The following FHL2 variants were observed in gnomAD, a reference collection of about 807,000 sequenced individuals.
FHL2 encodes the protein four and a half LIM domains protein 2.
A neutral mutation model predicts 32.7 loss-of-function variants in FHL2; 20 were observed. That is an observed-to-expected ratio of 0.61 (90% CI 0.43 to 0.89). The LOEUF (loss-of-function observed/expected upper bound fraction) is 0.89. Ranked by LOEUF, FHL2 falls within the 40% of genes least tolerant of loss-of-function variation. The pLI is 0.00. For missense variants in FHL2, 311 were observed against 358.6 expected, an observed-to-expected ratio of 0.87 and a Z score of 1.07; for synonymous variants, 123 against 128.1, an observed-to-expected ratio of 0.96 and a Z score of 0.27.
intron 1 of FHL2, among the ~76,000 whole-genome samples, chr2:105,410,938 T>G (rs1327656996): frequency 6.6e-6 from 1 of 152,200 alleles, no homozygotes; most frequent in Non-Finnish European, 1.5e-5. Context: ...CCAACCTCAG[T>G]TGAGATGCCT....
chr2:105,436,454 A>G (rs1264946595), intron 1 of FHL2, among the ~76,000 whole-genome samples: 1 of 152,218 alleles, frequency 6.6e-6, no homozygotes, highest in Non-Finnish European at 1.5e-5. Flanking sequence ...GGTCATAATG[A>G]TATATAGAGA....
intron 4 of FHL2, among the ~76,000 whole-genome samples, chr2:105,373,051 C>T (rs936261203): frequency 6.6e-6 from 1 of 152,198 alleles, no homozygotes; most frequent in East Asian, 1.9e-4. Context: ...GGCCCAGTTG[C>T]GGCTGTGCCC....
chr2:105,411,804 A>G (rs1683801712), intron 1 of FHL2, among the ~76,000 whole-genome samples: 1 of 151,872 alleles, frequency 6.6e-6, no homozygotes, highest in Admixed American at 6.6e-5. Flanking sequence ...CCTGGGCAAC[A>G]GAGCAAGACT....
chr2:105,431,723 A>G (rs770733797), intron 1 of FHL2, among the ~76,000 whole-genome samples: 2 of 152,252 alleles, frequency 1.3e-5, no homozygotes, highest in Non-Finnish European at 2.9e-5. Flanking sequence ...CACACTGTCT[A>G]ATTTAAGTTA....
At chr2:105,375,105 A>G (rs1681369509) in intron 3 of FHL2, among the ~76,000 whole-genome samples, 1 of 152,028 alleles carries the variant, frequency 6.6e-6, no homozygotes, top group Admixed American at 6.6e-5. Flanking sequence ...AACCAAAACT[A>G]GAACAAACAG....
At chr2:105,404,007 G>T (rs990168440), upstream of FHL2, among the ~76,000 whole-genome samples, 11 of 152,318 alleles carry the variant, frequency 7.2e-5, no homozygotes, top group South Asian at 4.1e-4. Flanking sequence ...GGGGTCGTGG[G>T]GGGGAGGCTG....
At chr2:105,373,180 A>G (rs921719469) in intron 4 of FHL2, among the ~76,000 whole-genome samples, 2 of 152,250 alleles carry the variant, frequency 1.3e-5, no homozygotes, top group African/African-American at 2.4e-5. Context: ...GGCACCATGC[A>G]CACTTGGTGA....
intron 1 of FHL2, among the ~76,000 whole-genome samples, chr2:105,412,442 A>T (rs1683820665): frequency 6.6e-6 from 1 of 152,246 alleles, no homozygotes; most frequent in South Asian, 2.1e-4. Context: ...TTATTGAAAC[A>T]GAAGCAGTTT....
chr2:105,390,056 A>G lies in FHL2; in HGVS notation c.-24-3516T>C, dbSNP rs534478904. On this transcript the variant is annotated intron_variant, in intron 2 of 6. Coordinates refer to ENST00000530340, the MANE Select transcript of FHL2 (RefSeq NM_001318895.3). ...ATCCTGGCTAACACGGTGAAACCCC[A>G]TCTCTACTAAAAATACAAAAAAAAA... The G allele has an allele frequency of 1.4e-3, 218 of 151,390 alleles. 4 individuals are homozygous for G. Among genetic ancestry groups the G allele is most frequent in the African/African-American group, 4.8e-3 (199 of 41,168 alleles). 9.4% of individuals were successfully genotyped at this position (151,390 alleles called of 1,614,324 possible).
At chr2:105,422,685 C>G (rs1302429555) in intron 1 of FHL2, among the ~76,000 whole-genome samples, 2 of 146,498 alleles carry the variant, frequency 1.4e-5, no homozygotes, top group Non-Finnish European at 3.0e-5. Flanking sequence ...TGAGAGAAAT[C>G]AAAATTAAAT....
intron 4 of FHL2, among the ~76,000 whole-genome samples, chr2:105,371,230 G>C (rs76434384): frequency 6.6e-6 from 1 of 152,140 alleles, no homozygotes; most frequent in Non-Finnish European, 1.5e-5. Flanking sequence ...TTGCCGTGAA[G>C]GTGTTTTTTA....
At chr2:105,388,355 C>T (rs1215929505) in intron 2 of FHL2, among the ~76,000 whole-genome samples, 2 of 152,124 alleles carry the variant, frequency 1.3e-5, no homozygotes, top group African/African-American at 4.8e-5. Context: ...GGGCCCTCCT[C>T]TTATGACCAT....
intron 4 of FHL2, among the ~76,000 whole-genome samples, chr2:105,370,306 T>C (rs895334196): frequency 1.3e-5 from 2 of 150,120 alleles, no homozygotes; most frequent in African/African-American, 4.9e-5. Context: ...GCCCGAGAGG[T>C]CAAGGCTGCA....
At position 105,367,645 on chromosome 2, in the gene FHL2, GA is replaced by G; in HGVS notation, c.425del (p.Ile142ThrfsTer69). On this transcript the variant is annotated frameshift_variant, in exon 5 of 7. Transcript: ENST00000530340. LOFTEE classifies it high-confidence loss of function. ...CQQPIGTKSF[I>X]PKDNQNFCVP... ...CACAGAAATTCTGATTGTCTTTGGG[GA>G]TGAAACTCTTGGTTCCAATTGGCTG... is the stretch of plus-strand genomic sequence containing the variant. 1.2e-6 allele frequency: 2 copies of G among 1,614,224 alleles called. No homozygotes were observed. The highest frequency in any genetic ancestry group is 1.7e-6 in the Non-Finnish European group (2 of 1,180,030).
At chr2:105,367,830 GT>G in intron 4 of FHL2, 91 bp from the exon 5 acceptor site, 2 of 1,352,024 alleles carry the variant, frequency 1.5e-6, no homozygotes, top group South Asian at 1.4e-5. Context: ...CTGCCCTCTA[GT>G]TTTATGACCA....
intron 1 of FHL2, chr2:105,396,951 A>T: frequency 5.3e-6 from 2 of 380,484 alleles, no homozygotes; most frequent in Non-Finnish European, 9.5e-6. Flanking sequence ...TGAGTCACTG[A>T]GGCTGAGTAA....
chr2:105,402,524 C>T (rs12994700), upstream of FHL2, among the ~76,000 whole-genome samples: 20,311 of 151,938 alleles, frequency 0.13, 1,558 homozygotes, highest in Middle Eastern at 0.22. Flanking sequence ...AAATTACAGG[C>T]GTGGGCGACC....
chr2:105,413,407 A>G (rs1683850645), intron 1 of FHL2, among the ~76,000 whole-genome samples: 1 of 152,170 alleles, frequency 6.6e-6, no homozygotes, highest in South Asian at 2.1e-4. Flanking sequence ...CGCTCCCTGG[A>G]GCTATTCTAG....
chr2:105,379,401 A>G (rs1681718559), intron 3 of FHL2, among the ~76,000 whole-genome samples: 1 of 152,220 alleles, frequency 6.6e-6, no homozygotes, highest in Admixed American at 6.5e-5. Flanking sequence ...CTGCCACCTT[A>G]AAGCTCCACG....
Sources: gnomAD v4.1 joint callset for allele counts (sites outside exome capture counted in the v4.1 genomes callset) on GRCh38, gnomAD v4.1.1 for gene constraint, MANE v1.5 for transcripts, NCBI Gene and HGNC (gene_info 2026-07-23, HGNC 2026-07-21) for gene names.